Variants in FBXO11 observed in about 807,000 individuals in gnomAD.
FBXO11 encodes F-box protein 11, also known as F-box only protein 11.
A neutral mutation model predicts 117.0 loss-of-function variants in FBXO11; 13 were observed. The observed-to-expected ratio is 0.11, with a 90% CI of 0.07 to 0.18. The LOEUF (loss-of-function observed/expected upper bound fraction) is 0.18, where lower values mean the gene tolerates loss of function less well. FBXO11 is among the 10% of genes least tolerant of loss of function. The probability of loss-of-function intolerance (pLI) is 1.00; values close to 1 mark genes in which losing one functional copy is unlikely to be tolerated. For missense variants in FBXO11, 767 were observed against 1,164.4 expected (o/e 0.66, Z 4.97); for synonymous variants, 490 against 380.5 (o/e 1.29, Z -3.35).
At chr2:47,836,898 C>T (rs1054535017) in intron 4 of FBXO11, 2 of 369,648 alleles carry the variant, frequency 5.4e-6, no homozygotes, top group Non-Finnish European at 1.0e-5. Context: ...ATCCTCTTGT[C>T]TTATTTTTTG....
Position 47,835,921 on chromosome 2 carries a change from G to T in FBXO11, c.668C>A (p.Pro223Gln). ...GGGATTTGGATGTTCATACTCTTCTGGATTAATCTGGTAGAATTTTCCAGG... is the reference window on the plus strand; with the variant it reads ...GGGATTTGGATGTTCATACTCTTCTTGATTAATCTGGTAGAATTTTCCAGG... ...PEPGKFYQIN[P>Q]EEYEHPNPWK... Residue 223 changes from proline (P) to glutamine (Q), a missense_variant, in exon 5 of 23, where the codon CCA becomes CAA. By Grantham distance (76) the Pro-to-Gln change is moderately conservative. Around this residue, in one of 10 missense-constraint regions of FBXO11, gnomAD observed 355 missense variants for 299.8 expected, o/e 1.18. Coordinates refer to ENST00000403359, the MANE Select transcript of FBXO11 (RefSeq NM_001190274.2). 6.2e-7 allele frequency: 1 copy of T among 1,611,294 alleles called. No individual in the cohort carries two copies.
At chr2:47,878,695 C>CA in intron 1 of FBXO11, among the ~76,000 whole-genome samples, 1 of 150,900 alleles carries the variant, frequency 6.6e-6, no homozygotes, top group East Asian at 2.0e-4. Context: ...TGAAAGGTCT[C>CA]AGCCAGGTGC....
chr2:47,839,533 ATATTCT>A, intron 2 of FBXO11, 33 bp from the exon 3 acceptor site: 1 of 1,609,584 alleles, frequency 6.2e-7, no homozygotes. Flanking sequence ...AGTAAAGCAA[ATATTCT>A]TATCATCCAT....
chr2:47,833,937 G>C (rs749295996), intron 7 of FBXO11, among the ~76,000 whole-genome samples: 1 of 151,868 alleles, frequency 6.6e-6, no homozygotes, highest in African/African-American at 2.4e-5. Context: ...CAAACTACTG[G>C]GTTTACAGGT....
intron 19 of FBXO11, 29 bp from the exon 20 acceptor site, chr2:47,809,736 A>G (rs576110433): frequency 2.0e-5 from 29 of 1,442,354 alleles, no homozygotes; most frequent in East Asian, 1.8e-4. Context: ...ACAAGTAGAT[A>G]CATCACTTTA....
At chr2:47,890,309 C>A (rs1274710739) in intron 1 of FBXO11, among the ~76,000 whole-genome samples, 1 of 152,078 alleles carries the variant, frequency 6.6e-6, no homozygotes, top group Non-Finnish European at 1.5e-5. Context: ...CAGTCATCCT[C>A]ATTTACTAGA....
intron 11 of FBXO11, among the ~76,000 whole-genome samples, chr2:47,827,984 G>C (rs977055731): frequency 6.6e-6 from 1 of 151,908 alleles, no homozygotes; most frequent in Non-Finnish European, 1.5e-5. Context: ...GAGCTACCAA[G>C]CCCGGCTGAA....
intron 1 of FBXO11, among the ~76,000 whole-genome samples, chr2:47,881,674 T>G (rs1164936144): frequency 6.6e-6 from 1 of 152,208 alleles, no homozygotes; most frequent in Non-Finnish European, 1.5e-5. Context: ...TCTCAAATTT[T>G]ATTAGTTTGA....
chr2:47,808,805 A>G (rs1223934417), intron 21 of FBXO11: 3 of 258,024 alleles, frequency 1.2e-5, no homozygotes, highest in African/African-American at 6.7e-5. Flanking sequence ...ACATTACACA[A>G]CATGAGTTAC....
At chr2:47,852,761 C>G (rs1484412028) in intron 1 of FBXO11, among the ~76,000 whole-genome samples, 2 of 152,142 alleles carry the variant, frequency 1.3e-5, no homozygotes, top group Non-Finnish European at 2.9e-5. Context: ...ACTACTGTTT[C>G]AAGTGTTTTA....
At chr2:47,904,195 T>C (rs915548256) in intron 1 of FBXO11, among the ~76,000 whole-genome samples, 3 of 152,194 alleles carry the variant, frequency 2.0e-5, no homozygotes, top group African/African-American at 4.8e-5. Context: ...CTTTAACCAA[T>C]GGAGGTGTGA....
intron 1 of FBXO11, among the ~76,000 whole-genome samples, chr2:47,862,916 G>A (rs1373499531): frequency 6.6e-6 from 1 of 151,890 alleles, no homozygotes; most frequent in Non-Finnish European, 1.5e-5. Context: ...TTAGCTGGGT[G>A]TGGTGGCGCA....
At chr2:47,822,633 A>G (rs1023066418) in intron 12 of FBXO11, among the ~76,000 whole-genome samples, 1 of 152,236 alleles carries the variant, frequency 6.6e-6, no homozygotes, top group Non-Finnish European at 1.5e-5. Flanking sequence ...TTTGACAATT[A>G]AAAATAATTC....
At position 47,818,767 on chromosome 2, in the gene FBXO11, G is replaced by A; in HGVS notation, c.2006+12C>T. Reference sequence around the variant, plus strand: ...TCCCTCCCAAAAGATAGCCAAATATGAAAACATTTACCTTATCTGAACCCC... The same window carrying A: ...TCCCTCCCAAAAGATAGCCAAATATAAAAACATTTACCTTATCTGAACCCC... On this transcript the variant is annotated intron_variant, in intron 16 of 22. Coordinates refer to ENST00000403359, the MANE Select transcript of FBXO11 (RefSeq NM_001190274.2). 6.4e-7 allele frequency: 1 copy of A among 1,560,808 alleles called. No homozygotes were observed. Among genetic ancestry groups the A allele is most frequent in the Non-Finnish European group, 8.6e-7 (1 of 1,160,184 alleles).
chr2:47,896,090 A>G (rs1677644527), intron 1 of FBXO11, among the ~76,000 whole-genome samples: 1 of 152,224 alleles, frequency 6.6e-6, no homozygotes, highest in South Asian at 2.1e-4. Flanking sequence ...CAAATGATTC[A>G]TACATACTCT....
intron 1 of FBXO11, among the ~76,000 whole-genome samples, chr2:47,860,777 C>T (rs1459099109): frequency 1.3e-5 from 2 of 150,566 alleles, no homozygotes; most frequent in Non-Finnish European, 3.0e-5. Context: ...AAAGTCAAAC[C>T]AGTCACATAG....
chr2:47,826,990 G>A (rs1430979345), intron 11 of FBXO11, among the ~76,000 whole-genome samples: 2 of 152,172 alleles, frequency 1.3e-5, no homozygotes, highest in African/African-American at 4.8e-5. Flanking sequence ...CTGGTTGGCT[G>A]CCCTGGTCAC....
Position 47,834,372 on chromosome 2 carries a change from G to A in FBXO11, c.934+207C>T, listed in dbSNP as rs559945336. ...ATCAAAAAAACAAAAAAGGTTGGGG[G>A]GGGCGGGGAGAAAGAATTTATATAC... On this transcript the variant is annotated intron_variant, in intron 7 of 22. Coordinates refer to ENST00000403359, the MANE Select transcript of FBXO11 (RefSeq NM_001190274.2). 1.2e-4 allele frequency among the ~76,000 whole-genome samples: 18 copies of A among 151,978 alleles called. No homozygotes were observed. The South Asian group carries it at 3.5e-3, about 30-fold the overall frequency.
At chr2:47,809,024 A>T (rs1670429779) in intron 21 of FBXO11, 134 bp downstream of exon 21, 1 of 585,022 alleles carries the variant, frequency 1.7e-6, no homozygotes, top group African/African-American at 1.9e-5. Flanking sequence ...CACGATCTTC[A>T]AGTAGATTGA....
Sources: allele counts gnomAD v4.1 joint callset (sites outside exome capture counted in the v4.1 genomes callset), GRCh38; gene constraint gnomAD v4.1.1; regional missense constraint gnomAD v4.1.1; transcripts MANE v1.5; gene names NCBI Gene and HGNC (gene_info 2026-07-23, HGNC 2026-07-21).